RBMS3: variants seen among roughly 807,000 people sequenced by gnomAD.
RBMS3 encodes RNA-binding motif, single-stranded-interacting protein 3.
Under a neutral mutation model 66.8 loss-of-function variants are expected in RBMS3, and 27 were observed. That is an observed-to-expected ratio of 0.40 (90% CI 0.30 to 0.56). The LOEUF (loss-of-function observed/expected upper bound fraction) is 0.56, where lower values mean the gene tolerates loss of function less well. Among genes scored for constraint, RBMS3 ranks in the 20% least tolerant of loss-of-function variants. The pLI is 0.40. For synonymous variants in RBMS3, 188 were observed against 183.0 expected (o/e 1.03, Z -0.22); for missense variants, 513 against 549.5 (o/e 0.93, Z 0.66).
At chr3:29,860,133 A>G (rs567266599) in intron 6 of RBMS3, among the ~76,000 whole-genome samples, 54 of 152,310 alleles carry the variant, frequency 3.5e-4, no homozygotes, top group African/African-American at 1.3e-3. Flanking sequence ...GCATTTTTCC[A>G]TAAATATTTT....
chr3:29,359,763 G>A (rs2037452148), intron 1 of RBMS3, among the ~76,000 whole-genome samples: 1 of 152,076 alleles, frequency 6.6e-6, no homozygotes, highest in Non-Finnish European at 1.5e-5. Flanking sequence ...CTTCTTCCTG[G>A]TTTAGTCTTG....
intron 2 of RBMS3, among the ~76,000 whole-genome samples, chr3:29,472,623 A>G (rs1379238917): frequency 6.6e-6 from 1 of 151,800 alleles, no homozygotes; most frequent in Non-Finnish European, 1.5e-5. Flanking sequence ...TCACTGGCTC[A>G]GGAGTGAAGC....
chr3:29,750,278 G>T (rs780656639), intron 5 of RBMS3, among the ~76,000 whole-genome samples: 2 of 152,056 alleles, frequency 1.3e-5, no homozygotes, highest in Non-Finnish European at 2.9e-5. Context: ...TCTTTTCCAC[G>T]AATTTTTTGA....
chr3:29,869,682 A>C (rs2059444231), intron 7 of RBMS3, among the ~76,000 whole-genome samples: 1 of 152,286 alleles, frequency 6.6e-6, no homozygotes, highest in Non-Finnish European at 1.5e-5. Flanking sequence ...CTTTTTTGTA[A>C]GAAGACAAGG....
intron 12 of RBMS3, 93 bp from the exon 13 acceptor site, chr3:29,988,050 C>T: frequency 3.1e-6 from 3 of 978,290 alleles, no homozygotes; most frequent in Non-Finnish European, 4.8e-6. Flanking sequence ...TGGCTATGGG[C>T]CCCATAGCTA....
intron 5 of RBMS3, among the ~76,000 whole-genome samples, chr3:29,752,674 A>G (rs2055234727): frequency 6.6e-6 from 1 of 152,228 alleles, no homozygotes; most frequent in Non-Finnish European, 1.5e-5. Flanking sequence ...TAATAGCTTT[A>G]TAAGGTTCTC....
At chr3:29,517,379 G>A (rs890313882) in intron 3 of RBMS3, among the ~76,000 whole-genome samples, 6 of 150,268 alleles carry the variant, frequency 4.0e-5, no homozygotes, top group Non-Finnish European at 8.9e-5. Flanking sequence ...CTGGAGTACA[G>A]TGGCGCAATC....
At chr3:29,589,594 T>A (rs1390668532) in intron 4 of RBMS3, among the ~76,000 whole-genome samples, 1 of 152,120 alleles carries the variant, frequency 6.6e-6, no homozygotes, top group Non-Finnish European at 1.5e-5. Flanking sequence ...CCTTTGAGAA[T>A]AAAATAGGAC....
At chr3:29,353,806 G>T (rs1479340996) in intron 1 of RBMS3, among the ~76,000 whole-genome samples, 1 of 152,034 alleles carries the variant, frequency 6.6e-6, no homozygotes. Context: ...GAAAAAGAGA[G>T]ATCAACACTT....
intron 3 of RBMS3, among the ~76,000 whole-genome samples, chr3:29,530,153 T>C (rs1441647151): frequency 6.6e-6 from 1 of 152,222 alleles, no homozygotes; most frequent in Non-Finnish European, 1.5e-5. Context: ...AGCTGACCTA[T>C]GTATAGCCGG....
chr3:29,419,768 A>G (rs1286254833), intron 1 of RBMS3, among the ~76,000 whole-genome samples: 1 of 152,234 alleles, frequency 6.6e-6, no homozygotes, highest in Non-Finnish European at 1.5e-5. Flanking sequence ...AGCGATGCAT[A>G]TGTAAGTTTG....
intron 1 of RBMS3, among the ~76,000 whole-genome samples, chr3:29,331,815 CTTTTTTTTT>C (rs11354452): frequency 1.4e-5 from 1 of 69,710 alleles, no homozygotes; most frequent in Admixed American, 2.0e-4. Context: ...AGGATAGCTC[CTTTTTTTTT>C]TTTTTTTTTT....
intron 1 of RBMS3, among the ~76,000 whole-genome samples, chr3:29,433,032 C>T (rs1159055872): frequency 1.3e-5 from 2 of 152,072 alleles, no homozygotes; most frequent in Admixed American, 6.5e-5. Flanking sequence ...TACCCAGACC[C>T]ACTAGGCCTG....
chr3:29,838,539 T>C (rs897198359), intron 6 of RBMS3, among the ~76,000 whole-genome samples: 1 of 152,098 alleles, frequency 6.6e-6, no homozygotes, highest in Admixed American at 6.6e-5. Flanking sequence ...TAATTGATAA[T>C]AATAAGAAAC....
chr3:29,986,206 A>T (rs998405859), intron 12 of RBMS3, among the ~76,000 whole-genome samples: 3 of 152,238 alleles, frequency 2.0e-5, no homozygotes, highest in African/African-American at 7.2e-5. Flanking sequence ...TCAATTCTGA[A>T]CTTAATTAAA....
intron 12 of RBMS3, among the ~76,000 whole-genome samples, chr3:29,981,779 G>C (rs1698014281): frequency 6.6e-6 from 1 of 152,114 alleles, no homozygotes. Flanking sequence ...GGATGTAGCT[G>C]ATTTGATCAT....
chr3:29,802,305 T>C (rs552846808), intron 6 of RBMS3, among the ~76,000 whole-genome samples: 2 of 152,310 alleles, frequency 1.3e-5, no homozygotes, highest in Admixed American at 1.3e-4. Context: ...CCACAGCCTT[T>C]CTTCTACAGA....
chr3:29,319,264 G>A (rs192033770), intron 1 of RBMS3, among the ~76,000 whole-genome samples: 3 of 152,038 alleles, frequency 2.0e-5, no homozygotes, highest in Non-Finnish European at 2.9e-5. Flanking sequence ...CCCTTGCCTC[G>A]TTCAGTGCAT....
At chr3:29,890,620 AAAG>A (rs2059977971) in intron 8 of RBMS3, among the ~76,000 whole-genome samples, 1 of 151,742 alleles carries the variant, frequency 6.6e-6, no homozygotes, top group Admixed American at 6.6e-5. Context: ...AAATTAGAAA[AAAG>A]AAAATGCTCA....
Sources: allele counts gnomAD v4.1 joint callset (sites outside exome capture counted in the v4.1 genomes callset), GRCh38; gene constraint gnomAD v4.1.1; transcripts MANE v1.5; gene names NCBI Gene and HGNC (gene_info 2026-07-23, HGNC 2026-07-21).